CFAP47: variants seen among roughly 807,000 people sequenced by gnomAD.
CFAP47 encodes the protein cilia- and flagella-associated protein 47.
In CFAP47, 29 loss-of-function variants were observed where a neutral mutation model predicts 148.1. The observed-to-expected ratio is 0.20, with a 90% CI of 0.15 to 0.27. The LOEUF is 0.27. Among genes scored for constraint, CFAP47 ranks in the 10% least tolerant of loss-of-function variants. The pLI is 1.00. For synonymous variants in CFAP47, 664 were observed against 577.3 expected, an observed-to-expected ratio of 1.15 and a Z score of -2.15; for missense variants, 1,872 against 1,697.5, an observed-to-expected ratio of 1.10 and a Z score of -1.81.
rs1936788861 is a variant in CFAP47, at chrX:35,991,524, C to T, written c.2845-297C>T. Among the ~76,000 whole-genome samples the T allele has an allele frequency of 2.7e-5, 3 of 109,882 alleles. No individual in the cohort carries two copies. The South Asian group carries it at 1.2e-3, about 42-fold the overall frequency. On this transcript the variant is annotated intron_variant, in intron 16 of 63. Transcript: ENST00000378653. The stretch of plus-strand genomic sequence containing the variant: ...AATATCTCCTGTGATGTTATTACCC[C>T]ATCTTAACTAGATTATCACAGATTT...
chrX:36,361,321 C>G lies in CFAP47; in HGVS notation c.8852-9C>G, dbSNP rs1556019190. 13 of 1,021,024 alleles carry G rather than the reference C, an allele frequency of 1.3e-5. No individual in the cohort carries two copies. Among genetic ancestry groups the G allele is most frequent in the Non-Finnish European group, 1.7e-5 (13 of 756,452 alleles). The allele number at this position is 1,021,024 out of a possible 1,213,427, so 84.1% of individuals were successfully genotyped here. On this transcript the variant is annotated splice_polypyrimidine_tract_variant and intron_variant, in intron 60 of 63. Coordinates refer to ENST00000378653, the MANE Select transcript of CFAP47 (RefSeq NM_001304548.2). ...AAATTGAAATATATTTTCATCTTGA[C>G]TTTCCTAGAAATTCCTAAAATACAT...
rs1412980643 is a variant in CFAP47, at chrX:36,136,246, AT to A, written c.5321-1703del. On this transcript the variant is annotated intron_variant, in intron 33 of 63. Coordinates refer to ENST00000378653, the MANE Select transcript of CFAP47 (RefSeq NM_001304548.2). Reference sequence around the variant, plus strand: ...GTATTCATTGACTTCTGCTTGGAGGATTTTTTTTTAATTCATTGTTTTCCTG... The same window carrying A: ...GTATTCATTGACTTCTGCTTGGAGGATTTTTTTTAATTCATTGTTTTCCTG... Among the ~76,000 whole-genome samples the A allele has an allele frequency of 1.6e-4, 17 of 106,219 alleles. No homozygotes were observed. The East Asian group carries it at 4.0e-3, about 25-fold the overall frequency. 92.2% of individuals were successfully genotyped at this position (106,219 alleles called of 115,157 possible).
At chrX:36,039,431 A>C (rs1429075205) in intron 25 of CFAP47, among the ~76,000 whole-genome samples, 1 of 112,438 alleles carries the variant, frequency 8.9e-6, no homozygotes, top group Non-Finnish European at 1.9e-5. Context: ...AAGCCTAAAA[A>C]TTCAATATAT....
intron 51 of CFAP47, among the ~76,000 whole-genome samples, chrX:36,297,875 C>A (rs1298897644): frequency 9.0e-6 from 1 of 111,310 alleles, no homozygotes; most frequent in Non-Finnish European, 1.9e-5. Context: ...AAATTTCAGA[C>A]CCCATCCCAG....
intron 62 of CFAP47, among the ~76,000 whole-genome samples, chrX:36,374,494 T>C (rs1465300206): frequency 9.0e-6 from 1 of 111,376 alleles, no homozygotes; most frequent in Non-Finnish European, 1.9e-5. Context: ...CTCTTTGTTT[T>C]GTCAAATTTC....
intron 2 of CFAP47, among the ~76,000 whole-genome samples, chrX:35,933,756 A>G (rs939046170): frequency 4.5e-5 from 5 of 111,951 alleles, no homozygotes; most frequent in African/African-American, 1.6e-4. Flanking sequence ...CCTTTGGATA[A>G]AAGACATTTT....
At chrX:36,041,274 T>A (rs1487858984) in intron 25 of CFAP47, among the ~76,000 whole-genome samples, 2 of 110,926 alleles carry the variant, frequency 1.8e-5, no homozygotes, top group East Asian at 5.6e-4. Flanking sequence ...GACAGTTAAA[T>A]AATATTAGAA....
At chrX:36,377,967 T>G (rs2147005743) in intron 62 of CFAP47, among the ~76,000 whole-genome samples, 1 of 111,834 alleles carries the variant, frequency 8.9e-6, no homozygotes, top group Non-Finnish European at 1.9e-5. Flanking sequence ...CAATCCGCAG[T>G]CCATGTTCTC....
At position 36,124,045 on chromosome X, in the gene CFAP47, G is replaced by T. The variant is rs1938794947; in HGVS notation, c.5321-13913G>T. On this transcript the variant is annotated intron_variant, in intron 33 of 63. Transcript: ENST00000378653. ...TAGGACCTTCCTTTCATGGCAGTGG[G>T]TTCCCTTCTGGCTCTGGATGTGTCT... Among the ~76,000 whole-genome samples, 4 of 111,437 alleles carry T rather than the reference G, an allele frequency of 3.6e-5. No homozygotes were observed. The Admixed American group carries it at 3.8e-4, about 11-fold the overall frequency.
Position 36,087,998 on chromosome X carries a change from T to C in CFAP47, c.4916+2460T>C, listed in dbSNP as rs186369306. Among the ~76,000 whole-genome samples, 58 of 111,601 alleles carry C rather than the reference T, an allele frequency of 5.2e-4. 2 individuals carry two copies. In the East Asian group the frequency reaches 0.011, roughly 22 times the overall value. On this transcript the variant is annotated intron_variant, in intron 30 of 63. Coordinates refer to ENST00000378653, the MANE Select transcript of CFAP47 (RefSeq NM_001304548.2). ...CTCTTCTTGCTGTGTCCTCATGTGG[T>C]TTTTCCTCTGTGTACCCATTTCCCT...
chrX:36,004,615 AAACC>A (rs1221200278), intron 21 of CFAP47, among the ~76,000 whole-genome samples: 1 of 109,685 alleles, frequency 9.1e-6, no homozygotes, highest in Non-Finnish European at 1.9e-5. Flanking sequence ...CTAGATGAAT[AAACC>A]ACAAAAATGT....
At chrX:36,304,830 C>G (rs1236276764) in intron 54 of CFAP47, among the ~76,000 whole-genome samples, 1 of 111,955 alleles carries the variant, frequency 8.9e-6, no homozygotes, top group Non-Finnish European at 1.9e-5. Context: ...CTCCTTCCTG[C>G]AAGTTACAAA....
At chrX:36,183,901 A>G in intron 40 of CFAP47, among the ~76,000 whole-genome samples, 1 of 111,799 alleles carries the variant, frequency 8.9e-6, no homozygotes, top group East Asian at 2.8e-4. Flanking sequence ...AATTATTTCT[A>G]ATGGTTATAA....
chrX:36,144,435 T>C (rs1274919994), intron 35 of CFAP47: 26 of 748,165 alleles, frequency 3.5e-5, no homozygotes, highest in Non-Finnish European at 4.3e-5. Context: ...AGTAATTCAA[T>C]AATTGATTTA....
chrX:36,270,743 A>G (rs1052173562), intron 49 of CFAP47, among the ~76,000 whole-genome samples: 55 of 106,276 alleles, frequency 5.2e-4, no homozygotes, highest in African/African-American at 1.7e-3. Flanking sequence ...ATGAATATAT[A>G]TACTTATATA....
intron 61 of CFAP47, among the ~76,000 whole-genome samples, chrX:36,364,914 A>G (rs1556019966): frequency 1.9e-5 from 1 of 53,440 alleles, no homozygotes; most frequent in Non-Finnish European, 2.9e-5. Flanking sequence ...ATATATATAT[A>G]TATATATATA....
chrX:35,925,365 A>C (rs1935721593), intron 1 of CFAP47, among the ~76,000 whole-genome samples: 1 of 108,829 alleles, frequency 9.2e-6, no homozygotes, highest in Admixed American at 9.8e-5. Context: ...ACAGAGTGAG[A>C]CTCCATCTCA....
intron 62 of CFAP47, among the ~76,000 whole-genome samples, chrX:36,369,968 C>G (rs1463245302): frequency 9.0e-6 from 1 of 111,490 alleles, no homozygotes; most frequent in East Asian, 2.8e-4. Flanking sequence ...TCTTCTAAGT[C>G]AAAAAATTTT....
intron 1 of CFAP47, among the ~76,000 whole-genome samples, chrX:35,923,944 C>G (rs891633632): frequency 1.7e-5 from 1 of 59,464 alleles, no homozygotes; most frequent in Non-Finnish European, 2.6e-5. Flanking sequence ...TATATATGTA[C>G]ATGTGTATAT....
Sources: gnomAD v4.1 joint callset for allele counts (sites outside exome capture counted in the v4.1 genomes callset) on GRCh38, gnomAD v4.1.1 for gene constraint, MANE v1.5 for transcripts, NCBI Gene and HGNC (gene_info 2026-07-23, HGNC 2026-07-21) for gene names.